The following BRAF variants were observed in gnomAD, a reference collection of about 807,000 sequenced individuals.
BRAF encodes the protein B-Raf proto-oncogene, serine/threonine kinase, also known as serine/threonine-protein kinase B-raf.
Under a neutral mutation model 104.6 loss-of-function variants are expected in BRAF, and 16 were observed. The observed-to-expected ratio is 0.15, with a 90% confidence interval of 0.10 to 0.23. The LOEUF (loss-of-function observed/expected upper bound fraction) is 0.23, where lower values mean the gene tolerates loss of function less well. BRAF is among the 10% of genes least tolerant of loss of function. The pLI, the probability that BRAF is intolerant of heterozygous loss-of-function variation, is 1.00. For synonymous variants in BRAF, 310 were observed against 341.6 expected (o/e 0.91, Z 1.02); for missense variants, 541 against 937.3 (o/e 0.58, Z 5.52).
At position 140,726,000 on chromosome 7, in the gene BRAF, G is replaced by A; in HGVS notation, c.*494C>T. 1.9e-6 allele frequency: 2 copies of A among 1,068,572 alleles called. No homozygotes were observed. The highest frequency in any genetic ancestry group is 2.3e-6 in the Non-Finnish European group (2 of 881,634). The allele number at this position is 1,068,572 out of a possible 1,614,324, so 66.2% of individuals were successfully genotyped here. On this transcript the variant is annotated 3_prime_UTR_variant, in exon 20 of 20. Transcript: ENST00000644969. The stretch of plus-strand genomic sequence containing the variant: ...AGCTGCATTTTTGTTCCATCCCTCA[G>A]AAACTAACTGGTGGTCACTAGGGGA...
chr7:140,740,592 C>CA (rs1796839463), intron 17 of BRAF: 1 of 152,274 alleles, frequency 6.6e-6, no homozygotes, highest in South Asian at 2.1e-4. Flanking sequence ...TGAGGGCAGG[C>CA]AGGGATAGAT....
chr7:140,732,519 G>A (rs952477728), intron 19 of BRAF: 2 of 151,926 alleles, frequency 1.3e-5, no homozygotes, highest in African/African-American at 2.4e-5. Context: ...TAACATTTCC[G>A]GTGGACCTAA....
chr7:140,777,482 C>CT lies in BRAF; in HGVS notation c.1638-395dup, dbSNP rs1285548186. Among the ~76,000 whole-genome samples, 26 of 152,190 alleles carry CT rather than the reference C, an allele frequency of 1.7e-4. No individual in the cohort carries two copies. The South Asian group carries it at 5.0e-3, about 29-fold the overall frequency. On this transcript the variant is annotated intron_variant, in intron 13 of 19. Transcript: ENST00000644969. ...TTCCCTGGTCTGCTCTCTGGAATAA[C>CT]TTTTTTTTCCGCACTCTGGAATAAC... is the stretch of plus-strand genomic sequence containing the variant.
chr7:140,889,516 A>T (rs1813973196), intron 1 of BRAF, among the ~76,000 whole-genome samples: 1 of 152,150 alleles, frequency 6.6e-6, no homozygotes, highest in African/African-American at 2.4e-5. Flanking sequence ...TTTTTTTATG[A>T]TAGAGAACAA....
At chr7:140,869,526 A>T (rs1277455976) in intron 1 of BRAF, among the ~76,000 whole-genome samples, 2 of 152,012 alleles carry the variant, frequency 1.3e-5, no homozygotes, top group African/African-American at 4.8e-5. Context: ...CCAGCTACTC[A>T]GGAGGCTGAG....
chr7:140,763,913 T>C (rs1012229475), intron 14 of BRAF, among the ~76,000 whole-genome samples: 5 of 152,012 alleles, frequency 3.3e-5, no homozygotes, highest in African/African-American at 7.2e-5. Context: ...TTCCAATCAA[T>C]AGAAAAAGAG....
At chr7:140,829,250 A>AATT (rs1806433542) in intron 3 of BRAF, among the ~76,000 whole-genome samples, 1 of 150,826 alleles carries the variant, frequency 6.6e-6, no homozygotes, top group African/African-American at 2.4e-5. Context: ...TCTGTCTCCT[A>AATT]CAGCTTTTGA....
intron 3 of BRAF, 51 bp downstream of exon 3, chr7:140,834,558 G>A (rs919040590): frequency 1.0e-5 from 16 of 1,602,276 alleles, no homozygotes; most frequent in Non-Finnish European, 1.4e-5. Flanking sequence ...CAACTGATCT[G>A]TCTGAAAAAT....
At chr7:140,902,521 A>C (rs1327611868) in intron 1 of BRAF, among the ~76,000 whole-genome samples, 1 of 152,264 alleles carries the variant, frequency 6.6e-6, no homozygotes, top group Non-Finnish European at 1.5e-5. Context: ...GATTAAGCTT[A>C]GTGAAGAAGG....
chr7:140,734,571 C>T (rs202148822), intron 19 of BRAF: 4 of 1,613,530 alleles, frequency 2.5e-6, no homozygotes, highest in East Asian at 4.5e-5. Flanking sequence ...TGTTGCTACT[C>T]TCCTGAACTC....
intron 1 of BRAF, among the ~76,000 whole-genome samples, chr7:140,916,260 G>C (rs10255271): frequency 0.028 from 4,312 of 152,248 alleles, 210 homozygotes; most frequent in African/African-American, 0.096. Context: ...CCAGTAAAAA[G>C]CTATCAGTGC....
At chr7:140,860,135 A>G (rs1810245838) in intron 1 of BRAF, among the ~76,000 whole-genome samples, 1 of 152,206 alleles carries the variant, frequency 6.6e-6, no homozygotes, top group South Asian at 2.1e-4. Flanking sequence ...GAGACAGAAT[A>G]GAGGGCTCAG....
intron 1 of BRAF, among the ~76,000 whole-genome samples, chr7:140,884,699 T>G (rs769698465): frequency 2.0e-5 from 3 of 152,044 alleles, no homozygotes; most frequent in Non-Finnish European, 4.4e-5. Flanking sequence ...TCTTCCTGCA[T>G]TGGCCTCCCA....
At chr7:140,892,582 T>C (rs1563021221) in intron 1 of BRAF, among the ~76,000 whole-genome samples, 3 of 152,196 alleles carry the variant, frequency 2.0e-5, no homozygotes, top group African/African-American at 4.8e-5. Flanking sequence ...GAATATTCAG[T>C]ATCCACAATA....
intron 1 of BRAF, among the ~76,000 whole-genome samples, chr7:140,889,838 C>T (rs1346032875): frequency 6.6e-6 from 1 of 152,158 alleles, no homozygotes; most frequent in Non-Finnish European, 1.5e-5. Flanking sequence ...GATGGTTGTA[C>T]ATTATACAAT....
In BRAF at chr7:140,862,344, A is replaced by C. The variant is rs370935357; in HGVS notation, c.139-12132T>G. On this transcript the variant is annotated intron_variant, in intron 1 of 19. Coordinates refer to ENST00000644969, the MANE Select transcript of BRAF (RefSeq NM_001374258.1). ...GAGAGGTTAAAAAAGAGAGAGCAAGAAAGAAAGAAATGGGTGATACAAGTA... is the reference window on the plus strand; with the variant it reads ...GAGAGGTTAAAAAAGAGAGAGCAAGCAAGAAAGAAATGGGTGATACAAGTA... Among the ~76,000 whole-genome samples, 8 of 152,320 alleles carry C rather than the reference A, an allele frequency of 5.3e-5. No homozygotes were observed. The East Asian group carries it at 1.2e-3, about 22-fold the overall frequency.
intron 2 of BRAF, 85 bp from the exon 3 acceptor site, chr7:140,834,957 T>C (rs925891791): frequency 2.0e-6 from 3 of 1,506,310 alleles, no homozygotes; most frequent in Non-Finnish European, 2.8e-6. Context: ...CCTTTGATTA[T>C]AATCTTTTCA....
intron 3 of BRAF, among the ~76,000 whole-genome samples, chr7:140,822,178 T>A (rs1031788588): frequency 2.6e-5 from 4 of 151,986 alleles, no homozygotes; most frequent in Non-Finnish European, 4.4e-5. Flanking sequence ...GAAAAAAAAA[T>A]TTTAATAATA....
chr7:140,895,268 A>G (rs1011610225), intron 1 of BRAF, among the ~76,000 whole-genome samples: 3 of 152,208 alleles, frequency 2.0e-5, no homozygotes, highest in African/African-American at 7.2e-5. Flanking sequence ...ACAAAATTCA[A>G]CAACCATTTA....
Sources: allele counts gnomAD v4.1 joint callset (sites outside exome capture counted in the v4.1 genomes callset), GRCh38; gene constraint gnomAD v4.1.1; transcripts MANE v1.5; gene names NCBI Gene and HGNC (gene_info 2026-07-23, HGNC 2026-07-21).